UBE2R2: variants seen among roughly 807,000 people sequenced by gnomAD.
The protein encoded by UBE2R2 is ubiquitin-conjugating enzyme E2 R2.
A neutral mutation model predicts 27.8 loss-of-function variants in UBE2R2; 1 was observed. The ratio of observed to expected loss-of-function variants is 0.04; its 90% CI spans 0.01 to 0.17. The LOEUF (loss-of-function observed/expected upper bound fraction) is 0.17, where lower values mean the gene tolerates loss of function less well. Among genes scored for constraint, UBE2R2 ranks in the 10% least tolerant of loss-of-function variants. UBE2R2 has a pLI of 1.00. For synonymous variants in UBE2R2, 106 were observed against 113.3 expected, an observed-to-expected ratio of 0.94 and a Z score of 0.41; for missense variants, 100 against 291.0, an observed-to-expected ratio of 0.34 and a Z score of 4.78.
In UBE2R2 at chr9:33,837,420, CT is replaced by C. The variant is rs374681097; in HGVS notation, c.177+19504del. Among the ~76,000 whole-genome samples the C allele has an allele frequency of 2.7e-3, 344 of 126,634 alleles. 1 individual carries two copies. The highest frequency in any genetic ancestry group is 0.025 in the East Asian group (113 of 4,444). The allele number at this position is 126,634 out of a possible 152,430, so 83.1% of individuals were successfully genotyped here. A position where few individuals can be genotyped will look rare whatever the true frequency, so the allele number is the denominator to read the frequency against. ...TTTTCAGTTTAGGCAGCTGCTGCTT[CT>C]TTTTTTTTTTTTTTTTTGAGACAGG... On this transcript the variant is annotated intron_variant, in intron 1 of 4. Transcript: ENST00000263228.
intron 1 of UBE2R2, among the ~76,000 whole-genome samples, chr9:33,860,545 T>C (rs1821206452): frequency 6.6e-6 from 1 of 152,150 alleles, no homozygotes; most frequent in South Asian, 2.1e-4. Context: ...TTGTTTGACT[T>C]TATTTGTTTT....
chr9:33,831,715 A>AAT, intron 1 of UBE2R2, among the ~76,000 whole-genome samples: 1 of 152,120 alleles, frequency 6.6e-6, no homozygotes, highest in Non-Finnish European at 1.5e-5. Context: ...GCTGAAGTGC[A>AAT]GAGGCGCGGT....
chr9:33,903,230 T>TA (rs1484730188), intron 3 of UBE2R2, among the ~76,000 whole-genome samples: 3 of 152,212 alleles, frequency 2.0e-5, no homozygotes, highest in Admixed American at 1.3e-4. Context: ...TAAAAGTTTT[T>TA]AAAAAATATT....
intron 1 of UBE2R2, among the ~76,000 whole-genome samples, chr9:33,874,165 G>A (rs1821552674): frequency 6.6e-6 from 1 of 151,612 alleles, no homozygotes; most frequent in Non-Finnish European, 1.5e-5. Flanking sequence ...CCAGGCTGGT[G>A]TTGAACTCCT....
rs1040266366 is a variant in UBE2R2 at position 33,917,304 on chromosome 9, C to T, written c.*67C>T. The T allele has an allele frequency of 1.9e-6, 3 of 1,592,780 alleles. No individual in the cohort carries two copies. Among genetic ancestry groups the T allele is most frequent in the Non-Finnish European group, 2.6e-6 (3 of 1,171,682 alleles). On this transcript the variant is annotated 3_prime_UTR_variant, in exon 5 of 5. Transcript: ENST00000263228. ...CCAAAGGGAGGGGAGCAAGTGGGGA[C>T]CTGGCCATGGCCCCTCAGCAAAAAC...
intron 1 of UBE2R2, among the ~76,000 whole-genome samples, chr9:33,845,614 G>C (rs1178386032): frequency 4.6e-5 from 7 of 152,030 alleles, no homozygotes. Flanking sequence ...ATTAGTAAGT[G>C]GTTCTTGATA....
At position 33,863,424 on chromosome 9, in the gene UBE2R2, A is replaced by G. The variant is rs1436666015; in HGVS notation, c.178-23457A>G. 2.6e-5 allele frequency among the ~76,000 whole-genome samples: 4 copies of G among 151,712 alleles called. No homozygotes were observed. In the South Asian group the frequency reaches 6.2e-4, roughly 24 times the overall value. ...CTATTTGGGAGGCTCAGGCAGGAGA[A>G]TCGCCTGAACCCGGGAGGCAGAGGT... is the stretch of plus-strand genomic sequence containing the variant. On this transcript the variant is annotated intron_variant, in intron 1 of 4. Transcript: ENST00000263228.
At chr9:33,838,298 A>G (rs551534897) in intron 1 of UBE2R2, among the ~76,000 whole-genome samples, 2 of 108,578 alleles carry the variant, frequency 1.8e-5, no homozygotes, top group Non-Finnish European at 3.9e-5. Flanking sequence ...TCGCTTGAAT[A>G]TTTTTGATCC....
chr9:33,842,589 G>C (rs1223998144), intron 1 of UBE2R2, among the ~76,000 whole-genome samples: 1 of 151,964 alleles, frequency 6.6e-6, no homozygotes, highest in East Asian at 1.9e-4. Context: ...TTTCCTCTTT[G>C]AAAATGTCTT....
At chr9:33,816,801 C>G (rs560475782), upstream of UBE2R2, among the ~76,000 whole-genome samples, 4 of 152,334 alleles carry the variant, frequency 2.6e-5, no homozygotes, top group South Asian at 8.3e-4. Context: ...GGGAGGGCCC[C>G]GAGAGCCGGG....
intron 1 of UBE2R2, among the ~76,000 whole-genome samples, chr9:33,873,705 A>G (rs547454479): frequency 9.2e-5 from 14 of 152,258 alleles, no homozygotes; most frequent in African/African-American, 3.4e-4. Context: ...CAGTGGTACC[A>G]TCATGGCTCA....
chr9:33,910,576 C>T (rs1324738457), intron 3 of UBE2R2, among the ~76,000 whole-genome samples: 3 of 152,234 alleles, frequency 2.0e-5, no homozygotes, highest in Non-Finnish European at 2.9e-5. Context: ...GGGATGGCAT[C>T]TAACTTGCTC....
At chr9:33,862,642 T>C (rs1307570377) in intron 1 of UBE2R2, among the ~76,000 whole-genome samples, 2 of 152,218 alleles carry the variant, frequency 1.3e-5, no homozygotes, top group African/African-American at 4.8e-5. Flanking sequence ...TCAAAAAATC[T>C]ATGAATAGTC....
At chr9:33,831,769 C>A (rs879378089) in intron 1 of UBE2R2, among the ~76,000 whole-genome samples, 5 of 152,070 alleles carry the variant, frequency 3.3e-5, no homozygotes, top group Non-Finnish European at 7.4e-5. Flanking sequence ...ATGCCATTCT[C>A]CTGCCTCAGC....
chr9:33,893,027 A>G (rs1444793542), intron 2 of UBE2R2, among the ~76,000 whole-genome samples: 1 of 152,184 alleles, frequency 6.6e-6, no homozygotes, highest in Non-Finnish European at 1.5e-5. Flanking sequence ...GTGAGCTATA[A>G]TCATGCTACT....
At chr9:33,906,762 C>T (rs896756563) in intron 3 of UBE2R2, among the ~76,000 whole-genome samples, 1 of 152,108 alleles carries the variant, frequency 6.6e-6, no homozygotes, top group African/African-American at 2.4e-5. Flanking sequence ...TTAGGCCAGG[C>T]GCAGTGGCTC....
intron 1 of UBE2R2, among the ~76,000 whole-genome samples, chr9:33,819,510 A>C (rs186679502): frequency 6.6e-6 from 1 of 152,368 alleles, no homozygotes; most frequent in Non-Finnish European, 1.5e-5. Context: ...CTAAGAAAAC[A>C]TGCAACTTAT....
rs777397564 is a variant in UBE2R2, at chr9:33,831,835, A to G, written c.177+13901A>G. 2.0e-5 allele frequency among the ~76,000 whole-genome samples: 3 copies of G among 151,350 alleles called. No individual in the cohort carries two copies. In the South Asian group the frequency reaches 6.3e-4, roughly 32 times the overall value. On this transcript the variant is annotated intron_variant, in intron 1 of 4. Transcript: ENST00000263228. ...CCAACACGCCCGGTTAATTTTTTGT[A>G]TTTTTAGTAGAGATGGGGTTTTTCC...
chr9:33,909,203 C>G (rs899205908), intron 3 of UBE2R2, among the ~76,000 whole-genome samples: 3 of 151,990 alleles, frequency 2.0e-5, no homozygotes, highest in Admixed American at 6.6e-5. Context: ...ACCTATTTTT[C>G]TGGCTGGGCA....
Sources: allele counts gnomAD v4.1 joint callset (sites outside exome capture counted in the v4.1 genomes callset), GRCh38; gene constraint gnomAD v4.1.1; transcripts MANE v1.5; gene names NCBI Gene and HGNC (gene_info 2026-07-23, HGNC 2026-07-21).